UST: variants seen among roughly 807,000 people sequenced by gnomAD.
The protein encoded by UST is uronyl 2-sulfotransferase, also known as chondroitin sulfate 2-O-sulfotransferase.
Under a neutral mutation model 45.6 loss-of-function variants are expected in UST, and 21 were observed. The ratio of observed to expected loss-of-function variants is 0.46; its 90% CI spans 0.33 to 0.66. UST has a LOEUF of 0.66. UST is among the 30% of genes least tolerant of loss of function. UST has a pLI of 0.02. For synonymous variants in UST, 215 were observed against 200.6 expected (o/e 1.07, Z -0.61); for missense variants, 463 against 512.4 (o/e 0.90, Z 0.93).
chr6:149,012,460 A>G (rs937336048), intron 5 of UST, among the ~76,000 whole-genome samples: 5 of 152,226 alleles, frequency 3.3e-5, no homozygotes, highest in Non-Finnish European at 7.3e-5. Context: ...GTACTGCCTC[A>G]ATGGTGAATG....
intron 1 of UST, among the ~76,000 whole-genome samples, chr6:148,850,195 G>T (rs1031834522): frequency 3.3e-5 from 5 of 152,132 alleles, no homozygotes; most frequent in African/African-American, 9.7e-5. Context: ...TATTCCAGTT[G>T]TATGGAGAGG....
chr6:149,041,777 C>A (rs556687076), intron 7 of UST, among the ~76,000 whole-genome samples: 1 of 152,318 alleles, frequency 6.6e-6, no homozygotes, highest in South Asian at 2.1e-4. Context: ...GCCTCCATTC[C>A]CACACCCTAG....
At chr6:148,958,073 C>CT (rs1001998531) in intron 4 of UST, among the ~76,000 whole-genome samples, 4 of 152,088 alleles carry the variant, frequency 2.6e-5, no homozygotes, top group African/African-American at 7.2e-5. Context: ...ATTGCCCTTT[C>CT]TTTTTTTATT....
chr6:148,940,233 T>A (rs1582910523), intron 2 of UST, among the ~76,000 whole-genome samples: 2 of 151,936 alleles, frequency 1.3e-5, no homozygotes, highest in South Asian at 4.2e-4. Flanking sequence ...ATGCCTGTAA[T>A]CCCAGCACTT....
At chr6:148,809,309 C>T (rs1426931267) in intron 1 of UST, among the ~76,000 whole-genome samples, 3 of 149,972 alleles carry the variant, frequency 2.0e-5, no homozygotes, top group African/African-American at 7.3e-5. Context: ...TTTCTTAAAA[C>T]CTTAGTTTTT....
intron 2 of UST, among the ~76,000 whole-genome samples, chr6:148,910,134 CTTTTTTT>C (rs148286486): frequency 9.7e-6 from 1 of 103,442 alleles, no homozygotes; most frequent in Non-Finnish European, 1.9e-5. Context: ...GCCTGGGATG[CTTTTTTT>C]TTTTTTTTTT....
At chr6:148,997,048 G>T (rs1207168496) in intron 5 of UST, among the ~76,000 whole-genome samples, 4 of 152,196 alleles carry the variant, frequency 2.6e-5, no homozygotes, top group Non-Finnish European at 5.9e-5. Flanking sequence ...CAGTAGGAAG[G>T]CTTGCAGCCT....
At chr6:148,851,783 G>A (rs1778111759) in intron 1 of UST, among the ~76,000 whole-genome samples, 1 of 152,214 alleles carries the variant, frequency 6.6e-6, no homozygotes, top group Admixed American at 6.5e-5. Context: ...GACTTTATGT[G>A]TACATTGGGA....
At chr6:148,937,728 A>G (rs1780049739) in intron 2 of UST, among the ~76,000 whole-genome samples, 1 of 152,210 alleles carries the variant, frequency 6.6e-6, no homozygotes, top group Non-Finnish European at 1.5e-5. Context: ...TCATTAATTC[A>G]GATGTAACAC....
chr6:148,963,480 C>T (rs758208646), intron 4 of UST, among the ~76,000 whole-genome samples: 4 of 152,320 alleles, frequency 2.6e-5, no homozygotes, highest in East Asian at 3.9e-4. Context: ...CACTCTGCTT[C>T]GGGAAGACCT....
intron 6 of UST, among the ~76,000 whole-genome samples, chr6:149,019,557 T>C (rs1456563751): frequency 6.6e-6 from 1 of 152,098 alleles, no homozygotes; most frequent in African/African-American, 2.4e-5. Flanking sequence ...TTGGATAAAA[T>C]GACAAAATGT....
At chr6:148,901,555 CTTT>C (rs11438263) in intron 2 of UST, among the ~76,000 whole-genome samples, 6 of 130,314 alleles carry the variant, frequency 4.6e-5, no homozygotes, top group Non-Finnish European at 3.3e-5. Context: ...ACCCGTGTCA[CTTT>C]TTTTTTTTTT....
At chr6:149,023,244 A>T (rs758065349) in intron 7 of UST, among the ~76,000 whole-genome samples, 11 of 152,088 alleles carry the variant, frequency 7.2e-5, no homozygotes, top group Non-Finnish European at 1.6e-4. Flanking sequence ...AACACTCTCC[A>T]TAAAAGATAT....
chr6:149,015,393 C>G (rs1275850816), intron 5 of UST, among the ~76,000 whole-genome samples: 3 of 152,102 alleles, frequency 2.0e-5, no homozygotes, highest in Non-Finnish European at 4.4e-5. Context: ...TCTCATTTCC[C>G]TAATAATGCA....
At chr6:148,987,679 T>G (rs1267561930) in intron 5 of UST, among the ~76,000 whole-genome samples, 2 of 152,192 alleles carry the variant, frequency 1.3e-5, no homozygotes. Flanking sequence ...TGTTTCTTCC[T>G]TCTTAATTTA....
chr6:148,968,248 A>C (rs1266761345), intron 5 of UST, among the ~76,000 whole-genome samples: 1 of 152,256 alleles, frequency 6.6e-6, no homozygotes, highest in Non-Finnish European at 1.5e-5. Context: ...GTTTTCAAAT[A>C]TTCAAGCATC....
At chr6:149,006,177 A>G (rs1775688361) in intron 5 of UST, among the ~76,000 whole-genome samples, 1 of 152,174 alleles carries the variant, frequency 6.6e-6, no homozygotes, top group South Asian at 2.1e-4. Flanking sequence ...TGCTGCACCC[A>G]TCAACCCATC....
At chr6:148,889,753 C>G (rs1778980358) in intron 2 of UST, among the ~76,000 whole-genome samples, 1 of 152,088 alleles carries the variant, frequency 6.6e-6, no homozygotes, top group African/African-American at 2.4e-5. Flanking sequence ...TCCTGCTGGT[C>G]TTGCTGTGGC....
chr6:148,814,640 G>A (rs552712314), intron 1 of UST, among the ~76,000 whole-genome samples: 2 of 152,272 alleles, frequency 1.3e-5, no homozygotes, highest in Non-Finnish European at 1.5e-5. Context: ...AGGGGTTGAT[G>A]CGGTTCACTG....
Sources: allele counts gnomAD v4.1 joint callset (sites outside exome capture counted in the v4.1 genomes callset), GRCh38; gene constraint gnomAD v4.1.1; transcripts MANE v1.5; gene names NCBI Gene and HGNC (gene_info 2026-07-23, HGNC 2026-07-21).